The following PDGFD variants were observed in gnomAD, a reference collection of about 807,000 sequenced individuals.
PDGFD encodes platelet-derived growth factor D.
In PDGFD, 30 loss-of-function variants were observed where a neutral mutation model predicts 44.7. That is an observed-to-expected ratio of 0.67 (90% CI 0.50 to 0.91). The LOEUF is 0.91. Among genes scored for constraint, PDGFD ranks in the 40% least tolerant of loss-of-function variants. The pLI is 0.00. For synonymous variants in PDGFD, 173 were observed against 168.4 expected (o/e 1.03, Z -0.21); for missense variants, 445 against 457.8 (o/e 0.97, Z 0.25).
chr11:103,915,777 G>C (rs1343569857), intron 6 of PDGFD, among the ~76,000 whole-genome samples: 2 of 152,116 alleles, frequency 1.3e-5, no homozygotes, highest in African/African-American at 2.4e-5. Flanking sequence ...AGAGACCTCA[G>C]AAATTACACT....
intron 1 of PDGFD, among the ~76,000 whole-genome samples, chr11:104,144,117 T>A (rs1862125989): frequency 6.6e-6 from 1 of 152,034 alleles, no homozygotes; most frequent in Non-Finnish European, 1.5e-5. Flanking sequence ...AGGTACTCCA[T>A]CAAGTGGAAC....
intron 3 of PDGFD, among the ~76,000 whole-genome samples, chr11:103,968,222 ACT>A (rs1437253181): frequency 5.3e-5 from 8 of 151,822 alleles, no homozygotes; most frequent in Non-Finnish European, 1.2e-4. Context: ...ATTTCCCAGC[ACT>A]CTGTTACTCA....
chr11:104,036,997 T>G (rs1860250983), intron 1 of PDGFD: 2 of 1,614,232 alleles, frequency 1.2e-6, no homozygotes, highest in Non-Finnish European at 1.7e-6. Flanking sequence ...CGAGGACCAC[T>G]GTTCCCTGGG....
intron 1 of PDGFD, among the ~76,000 whole-genome samples, chr11:104,042,629 C>A (rs921881123): frequency 1.3e-5 from 2 of 152,166 alleles, no homozygotes; most frequent in Non-Finnish European, 2.9e-5. Context: ...CCCTAGGAGG[C>A]AATGTGGGCT....
chr11:104,026,808 G>A (rs747763819), intron 1 of PDGFD, among the ~76,000 whole-genome samples: 100 of 152,194 alleles, frequency 6.6e-4, no homozygotes, highest in Non-Finnish European at 7.6e-4. Flanking sequence ...GAAGTGTCCT[G>A]TGGACTGAGA....
chr11:104,066,402 T>C (rs947727841), intron 1 of PDGFD, among the ~76,000 whole-genome samples: 2 of 152,212 alleles, frequency 1.3e-5, no homozygotes, highest in South Asian at 2.1e-4. Context: ...GCTAACAATG[T>C]ATTTCTTTCA....
chr11:103,985,469 G>A (rs1859348964), intron 3 of PDGFD, among the ~76,000 whole-genome samples: 1 of 151,546 alleles, frequency 6.6e-6, no homozygotes, highest in African/African-American at 2.4e-5. Context: ...CCAAAGTGCT[G>A]GGATTACAGG....
At chr11:103,969,609 G>A (rs1048157587) in intron 3 of PDGFD, among the ~76,000 whole-genome samples, 6 of 144,314 alleles carry the variant, frequency 4.2e-5, no homozygotes, top group African/African-American at 1.5e-4. Flanking sequence ...CTATATTTTT[G>A]TCCTGTGATA....
At position 103,954,326 on chromosome 11, in the gene PDGFD, T is replaced by C. The variant is rs1039830475; in HGVS notation, c.511-6602A>G. 5.3e-5 allele frequency among the ~76,000 whole-genome samples: 8 copies of C among 152,220 alleles called. 1 individual carries two copies. The highest frequency in any genetic ancestry group is 1.9e-4 in the African/African-American group (8 of 41,460). On this transcript the variant is annotated intron_variant, in intron 3 of 6. Coordinates refer to ENST00000393158, the MANE Select transcript of PDGFD (RefSeq NM_025208.5). The stretch of plus-strand genomic sequence containing the variant: ...TCCAAAGAAATCCCTCTCCTGTCCC[T>C]TGATACCACGTGGAGCTAGAGACTC...
intron 1 of PDGFD, among the ~76,000 whole-genome samples, chr11:104,028,253 T>G (rs1291464713): frequency 1.3e-5 from 2 of 151,730 alleles, no homozygotes; most frequent in South Asian, 4.2e-4. Context: ...AACTTGTATT[T>G]AGGATAATCC....
At chr11:104,032,714 A>T (rs936211015) in intron 1 of PDGFD, among the ~76,000 whole-genome samples, 3 of 151,204 alleles carry the variant, frequency 2.0e-5, no homozygotes, top group Non-Finnish European at 4.4e-5. Context: ...TGGATTTATT[A>T]AAAAAATAAC....
chr11:103,946,743 T>C (rs1329181299), intron 4 of PDGFD, among the ~76,000 whole-genome samples: 1 of 152,136 alleles, frequency 6.6e-6, no homozygotes, highest in East Asian at 1.9e-4. Flanking sequence ...AAAACACTTA[T>C]TATCACTGTC....
chr11:104,049,455 A>G (rs145155652), intron 1 of PDGFD, among the ~76,000 whole-genome samples: 23 of 152,336 alleles, frequency 1.5e-4, no homozygotes, highest in African/African-American at 5.5e-4. Context: ...TGTAGTTCTA[A>G]ATAAGGGGTT....
chr11:103,912,596 G>A (rs1399223022), intron 6 of PDGFD, among the ~76,000 whole-genome samples: 6 of 152,098 alleles, frequency 3.9e-5, no homozygotes, highest in South Asian at 2.1e-4. Context: ...ACCAGCTAGT[G>A]TCATAATGGC....
chr11:104,071,030 C>A (rs998506148), intron 1 of PDGFD, among the ~76,000 whole-genome samples: 3 of 152,020 alleles, frequency 2.0e-5, no homozygotes, highest in Non-Finnish European at 2.9e-5. Flanking sequence ...AATGCCTGCT[C>A]CCTCACTGCC....
chr11:104,153,402 T>C (rs1279828882), intron 1 of PDGFD, among the ~76,000 whole-genome samples: 2 of 152,182 alleles, frequency 1.3e-5, no homozygotes. Context: ...AGTAAATCTA[T>C]ATCTGCAGAT....
intron 1 of PDGFD, among the ~76,000 whole-genome samples, chr11:104,015,518 C>CA (rs1287819975): frequency 2.6e-5 from 4 of 152,136 alleles, no homozygotes; most frequent in South Asian, 4.2e-4. Flanking sequence ...ATCTGGAATA[C>CA]AAAAAATGAT....
chr11:104,142,661 T>C (rs1348925863), intron 1 of PDGFD, among the ~76,000 whole-genome samples: 1 of 152,198 alleles, frequency 6.6e-6, no homozygotes, highest in African/African-American at 2.4e-5. Flanking sequence ...GGAGATGTGA[T>C]TGACTGTGCT....
At chr11:104,122,559 C>T (rs182705464) in intron 1 of PDGFD, among the ~76,000 whole-genome samples, 24 of 152,088 alleles carry the variant, frequency 1.6e-4, no homozygotes, top group African/African-American at 5.1e-4. Context: ...AGAGAGCTAT[C>T]CTCTTTCTTT....
Sources: gnomAD v4.1 joint callset for allele counts (sites outside exome capture counted in the v4.1 genomes callset) on GRCh38, gnomAD v4.1.1 for gene constraint, MANE v1.5 for transcripts, NCBI Gene and HGNC (gene_info 2026-07-23, HGNC 2026-07-21) for gene names.